C9orf57: variants seen among roughly 807,000 people sequenced by gnomAD.
C9orf57 encodes uncharacterized protein C9orf57.
Under a neutral mutation model 12.9 loss-of-function variants are expected in C9orf57, and 12 were observed. The observed-to-expected ratio is 0.93, with a 90% CI of 0.60 to 1.51. The LOEUF is 1.51. Ranked by LOEUF, C9orf57 falls within the 40% of genes most tolerant of loss-of-function variation. The pLI is 0.00. For missense variants in C9orf57, 141 were observed against 162.8 expected (o/e 0.87, Z 0.73); for synonymous variants, 49 against 57.1 (o/e 0.86, Z 0.64).
In C9orf57 at chr9:72,060,373, A is replaced by C. The variant is rs186151352; in HGVS notation, c.-54+124T>G. ...GAATTATTAATAATACTTTCACTGC[A>C]AAAGACCTTATTTATGAGGGAAAAG... On this transcript the variant is annotated intron_variant, in intron 1 of 4. Transcript: ENST00000651200. The C allele has an allele frequency of 2.2e-4, 142 of 647,250 alleles. No homozygotes were observed. The African/African-American group carries it at 2.4e-3, about 11-fold the overall frequency. The allele number at this position is 647,250 out of a possible 1,614,324, so 40.1% of individuals were successfully genotyped here.
intron 1 of C9orf57, 142 bp from the exon 2 acceptor site, chr9:72,059,526 A>G (rs1824284047): frequency 1.8e-6 from 2 of 1,094,818 alleles, no homozygotes; most frequent in African/African-American, 1.6e-5. Context: ...TCTTTATAAA[A>G]AAGTCACCAT....
At chr9:72,055,565 T>C (rs1015927352) in intron 4 of C9orf57, among the ~76,000 whole-genome samples, 1 of 152,014 alleles carries the variant, frequency 6.6e-6, no homozygotes, top group Non-Finnish European at 1.5e-5. Flanking sequence ...CTGGGACTGC[T>C]ACAGGTGTGT....
chr9:72,060,532 TG>T lies in C9orf57; in HGVS notation c.-90del. 6.5e-7 allele frequency: 1 copy of T among 1,547,938 alleles called. No individual in the cohort carries two copies. Among genetic ancestry groups the T allele is most frequent in the Non-Finnish European group, 8.7e-7 (1 of 1,143,782 alleles). ...CATTAAGGTACTATGGAAATTTTCC[TG>T]GGTCTGAACTTTCTTAAAAGGATGA... On this transcript the variant is annotated 5_prime_UTR_variant, in exon 1 of 5. Coordinates refer to ENST00000651200, the MANE Select transcript of C9orf57 (RefSeq NM_001128618.2).
chr9:72,056,187 C>A lies in C9orf57; in HGVS notation c.167G>T (p.Gly56Val), dbSNP rs1241255587. The A allele has an allele frequency of 6.5e-7, 1 of 1,548,732 alleles. No individual in the cohort carries two copies. Among genetic ancestry groups the A allele is most frequent in the Non-Finnish European group, 8.7e-7 (1 of 1,145,354 alleles). The change falls in exon 4 of 5, where the codon GGT (glycine) becomes GTT (valine). Residue 56 changes from glycine (G) to valine (V), a missense_variant. Coordinates refer to ENST00000651200, the MANE Select transcript of C9orf57 (RefSeq NM_001128618.2). ...KEEVHIQDVG[G>V]LICRACNLSL... The stretch of plus-strand genomic sequence containing the variant: ...AAGATTGCATGCTCTGCAAATCAAA[C>A]CTCCAACATCTCCAAGTACAGGGGC...
rs1244424103 is a variant in C9orf57 at position 72,051,902 on chromosome 9, C to CACTT, written c.*390_*393dup. 1.4e-4 allele frequency: 26 copies of CACTT among 179,516 alleles called. No homozygotes were observed. Among genetic ancestry groups the CACTT allele is most frequent in the African/African-American group, 6.2e-4 (26 of 41,932 alleles). 11.1% of individuals were successfully genotyped at this position (179,516 alleles called of 1,614,324 possible). On this transcript the variant is annotated 3_prime_UTR_variant, in exon 5 of 5. Transcript: ENST00000651200. ...GGAAACCAAATGAATATTCTCAGGT[C>CACTT]ACTTGCTGTCTTGTGAAACATTTGT...
Position 72,056,595 on chromosome 9 carries a change from C to T in C9orf57, c.157+189G>A, listed in dbSNP as rs553772424. On this transcript the variant is annotated intron_variant, in intron 3 of 4. Transcript: ENST00000651200. ...TGACTGTGCAAATTACTTAATCGTT[C>T]GTGTCTCAGCTATCTCATCTTTAAA... 1.6e-4 allele frequency among the ~76,000 whole-genome samples: 24 copies of T among 152,038 alleles called. No individual in the cohort carries two copies. In the South Asian group the frequency reaches 3.7e-3, roughly 24 times the overall value.
intron 4 of C9orf57, among the ~76,000 whole-genome samples, chr9:72,055,096 T>A (rs1036201727): frequency 5.3e-4 from 73 of 138,730 alleles, no homozygotes; most frequent in African/African-American, 1.1e-3. Context: ...CGACTAATTT[T>A]TATATATATA....
chr9:72,059,248 G>GT lies in C9orf57; in HGVS notation c.83_84insA (p.Phe28LeufsTer6). On this transcript the variant is annotated frameshift_variant, in exon 2 of 5. Transcript: ENST00000651200. LOFTEE classifies it high-confidence loss of function. ...CTAATGACTTACCACCTAAGCGGCC[G>GT]AATAAGATAACACCTAAGAGGCGGA... 1.3e-6 allele frequency: 2 copies of GT among 1,550,866 alleles called. No individual in the cohort carries two copies. Among genetic ancestry groups the GT allele is most frequent in the Non-Finnish European group, 1.7e-6 (2 of 1,146,846 alleles).
chr9:72,056,212 C>A lies in C9orf57; in HGVS notation c.158-16G>T. On this transcript the variant is annotated splice_polypyrimidine_tract_variant and intron_variant, in intron 3 of 4. Coordinates refer to ENST00000651200, the MANE Select transcript of C9orf57 (RefSeq NM_001128618.2). ...CCTCCAACATCTCCAAGTACAGGGG[C>A]AGAAAAATGAGAAAGTAGTGATAGA... 2 of 1,538,158 alleles carry A rather than the reference C, an allele frequency of 1.3e-6. No homozygotes were observed. The highest frequency in any genetic ancestry group is 1.8e-6 in the Non-Finnish European group (2 of 1,139,570).
intron 2 of C9orf57, 45 bp from the exon 3 acceptor site, chr9:72,056,888 C>T (rs894850595): frequency 1.4e-6 from 2 of 1,412,700 alleles, no homozygotes; most frequent in Non-Finnish European, 2.0e-6. Context: ...GCATGCTCTG[C>T]AAATGTATAC....
intron 4 of C9orf57, among the ~76,000 whole-genome samples, chr9:72,054,569 T>C (rs1328397183): frequency 1.3e-5 from 2 of 152,218 alleles, no homozygotes; most frequent in African/African-American, 4.8e-5. Flanking sequence ...TTTACCAATC[T>C]GATGGGTTAA....
rs182923923 is a variant in C9orf57, at chr9:72,058,453, G to A, written c.97+782C>T. On this transcript the variant is annotated intron_variant, in intron 2 of 4. Coordinates refer to ENST00000651200, the MANE Select transcript of C9orf57 (RefSeq NM_001128618.2). ...TAGGATTACAGGCGTGAGCCACCGC[G>A]GCCAGCCTTAGGGATCTTTCTTATA... Among the ~76,000 whole-genome samples, 58 of 152,222 alleles carry A rather than the reference G, an allele frequency of 3.8e-4. No individual in the cohort carries two copies. The East Asian group carries it at 4.5e-3, about 12-fold the overall frequency.
rs1168786259 is a variant in C9orf57 at position 72,052,389 on chromosome 9, T to A, written c.327A>T (p.Ser109=). ...YSVKGCTKNT[S]ECFKSTLVKR... is the part of the protein sequence containing the mutation. ...TGACGAGAGTACTCTTGAAGCACTC[T>A]GATGTGTTCTTTGTGCAGCCTTTGA... Residue 109 remains serine (S), a synonymous_variant, in exon 5 of 5, where the codon TCA becomes TCT. Coordinates refer to ENST00000651200, the MANE Select transcript of C9orf57 (RefSeq NM_001128618.2). The A allele has an allele frequency of 6.4e-7, 1 of 1,552,156 alleles. No homozygotes were observed. The highest frequency in any genetic ancestry group is 1.4e-5 in the African/African-American group (1 of 73,056).
chr9:72,056,906 T>C (rs1589300790), intron 2 of C9orf57, 63 bp from the exon 3 acceptor site: 2 of 1,346,600 alleles, frequency 1.5e-6, no homozygotes, highest in African/African-American at 1.5e-5. Context: ...TACATATATA[T>C]GTATACTTTT....
chr9:72,053,529 A>G (rs1824123676), intron 4 of C9orf57, among the ~76,000 whole-genome samples: 1 of 152,178 alleles, frequency 6.6e-6, no homozygotes, highest in South Asian at 2.1e-4. Flanking sequence ...CTCTCTGGCC[A>G]CATTCAGGAA....
At chr9:72,060,427 A>G (rs10869090) in intron 1 of C9orf57, 70 bp downstream of exon 1, 378,547 of 792,226 alleles carry the variant, frequency 0.48, 94,380 homozygotes, top group Non-Finnish European at 0.52. Flanking sequence ...GATAGTTAAT[A>G]CTTATTAAAA....
chr9:72,060,012 A>G (rs1824296034), intron 1 of C9orf57, among the ~76,000 whole-genome samples: 1 of 152,162 alleles, frequency 6.6e-6, no homozygotes, highest in East Asian at 1.9e-4. Flanking sequence ...CAAAAGGAAA[A>G]TACACATATT....
intron 2 of C9orf57, 36 bp from the exon 3 acceptor site, chr9:72,056,879 C>T: frequency 6.6e-7 from 1 of 1,507,710 alleles, no homozygotes; most frequent in Non-Finnish European, 9.0e-7. Flanking sequence ...TGAAAGATTG[C>T]ATGCTCTGCA....
Position 72,059,357 on chromosome 9 carries a change from T to A in C9orf57, c.-26A>T, listed in dbSNP as rs767138693. 10 of 1,551,640 alleles carry A rather than the reference T, an allele frequency of 6.4e-6. No homozygotes were observed. In the Admixed American group the frequency reaches 1.8e-4, roughly 27 times the overall value. On this transcript the variant is annotated 5_prime_UTR_variant, in exon 2 of 5. Transcript: ENST00000651200. ...TCTGATTTCCAAGCCGAAAAGGAGA[T>A]GAAAGGAAAGACACGTCCCACTGAT... is the stretch of plus-strand genomic sequence containing the variant.
Sources: allele counts gnomAD v4.1 joint callset (sites outside exome capture counted in the v4.1 genomes callset), GRCh38; gene constraint gnomAD v4.1.1; transcripts MANE v1.5; gene names NCBI Gene and HGNC (gene_info 2026-07-23, HGNC 2026-07-21).